RIN2: variants seen among roughly 807,000 people sequenced by gnomAD.
The protein encoded by RIN2 is RAB5 interacting protein 2.
RIN2 carries 36 observed loss-of-function variants against 78.0 expected under a neutral mutation model. That is an observed-to-expected ratio of 0.46 (90% CI 0.35 to 0.61). The LOEUF is 0.61. Among genes scored for constraint, RIN2 ranks in the 20% least tolerant of loss-of-function variants. The pLI, the probability that RIN2 is intolerant of heterozygous loss-of-function variation, is 0.00. For synonymous variants in RIN2, 466 were observed against 466.8 expected, an observed-to-expected ratio of 1.00 and a Z score of 0.02; for missense variants, 1,087 against 1,159.7, an observed-to-expected ratio of 0.94 and a Z score of 0.91.
chr20:19,990,352 C>G, intron 10 of RIN2, 41 bp downstream of exon 10: 1 of 1,565,770 alleles, frequency 6.4e-7, no homozygotes, highest in Middle Eastern at 1.8e-4. Context: ...CGCTTCCCTT[C>G]CGGGCCGGGG....
intron 1 of RIN2, among the ~76,000 whole-genome samples, chr20:19,771,022 A>G (rs1328011780): frequency 4.6e-5 from 7 of 152,174 alleles, no homozygotes; most frequent in African/African-American, 9.7e-5. Flanking sequence ...AAACACAAAT[A>G]TTTATTGGAT....
At chr20:19,900,964 A>G (rs1279499731) in intron 3 of RIN2, among the ~76,000 whole-genome samples, 1 of 150,666 alleles carries the variant, frequency 6.6e-6, no homozygotes, top group Non-Finnish European at 1.5e-5. Flanking sequence ...AAAAAAAAAA[A>G]AAAAAAAAAG....
Position 19,946,713 on chromosome 20 carries a change from CAAAAA to C in RIN2, c.159-9886_159-9882del, listed in dbSNP as rs74180972. ...TGGGTGACAGAGCAAGATTCTATCT[CAAAAA>C]AAAAAAAAAAAAAAAGGGAAAAGCA... On this transcript the variant is annotated intron_variant, in intron 4 of 12. Transcript: ENST00000255006. 2.2e-3 allele frequency among the ~76,000 whole-genome samples: 170 copies of C among 78,020 alleles called. 2 individuals carry two copies. Among genetic ancestry groups the C allele is most frequent in the African/African-American group, 7.3e-3 (161 of 21,970 alleles). 51.2% of individuals were successfully genotyped at this position (78,020 alleles called of 152,430 possible).
intron 2 of RIN2, among the ~76,000 whole-genome samples, chr20:19,840,368 A>G (rs1268890346): frequency 1.3e-5 from 2 of 152,236 alleles, no homozygotes; most frequent in African/African-American, 2.4e-5. Flanking sequence ...TTGGTTGTCT[A>G]TCCTTACAAG....
intron 1 of RIN2, among the ~76,000 whole-genome samples, chr20:19,785,011 T>C (rs2034627074): frequency 6.6e-6 from 1 of 152,164 alleles, no homozygotes; most frequent in African/African-American, 2.4e-5. Flanking sequence ...AAATCAGACA[T>C]GCTTCCCCTC....
At chr20:19,959,305 CAG>C (rs1568663492) in intron 5 of RIN2, among the ~76,000 whole-genome samples, 1 of 152,118 alleles carries the variant, frequency 6.6e-6, no homozygotes. Context: ...CCCCAAGGCT[CAG>C]GGAGATCTCC....
rs564416923 is a variant in RIN2, at chr20:19,854,259, A to C, written c.-36-35307A>C. ...TCTATATCTCTGTTTTGGTACCAGT[A>C]CCATGCTGTTTTGGTTACTGTAGCC... On this transcript the variant is annotated intron_variant, in intron 2 of 12. Coordinates refer to ENST00000255006, the MANE Select transcript of RIN2 (RefSeq NM_018993.4). Among the ~76,000 whole-genome samples, 102 of 152,332 alleles carry C rather than the reference A, an allele frequency of 6.7e-4. 1 individual carries two copies. Among genetic ancestry groups the C allele is most frequent in the African/African-American group, 1.8e-3 (74 of 41,586 alleles).
intron 2 of RIN2, among the ~76,000 whole-genome samples, chr20:19,834,947 A>AAG (rs5840858): frequency 0.6 from 86,501 of 143,616 alleles, 27,637 homozygotes; most frequent in East Asian, 0.81. Flanking sequence ...CTGTGAAGAA[A>AAG]AGAGAGAGAG....
intron 4 of RIN2, among the ~76,000 whole-genome samples, chr20:19,936,863 T>C (rs980923514): frequency 1.3e-5 from 2 of 152,250 alleles, no homozygotes; most frequent in African/African-American, 4.8e-5. Context: ...GGCATTTTAT[T>C]TGGCTTTTTT....
chr20:19,908,469 C>T (rs2039316331), intron 3 of RIN2, among the ~76,000 whole-genome samples: 1 of 144,096 alleles, frequency 6.9e-6, no homozygotes, highest in South Asian at 2.2e-4. Context: ...CCGGCCTGGG[C>T]CACAGAGCGA....
At chr20:19,949,515 T>G (rs1186338835) in intron 4 of RIN2, among the ~76,000 whole-genome samples, 1 of 152,250 alleles carries the variant, frequency 6.6e-6, no homozygotes, top group African/African-American at 2.4e-5. Context: ...ATTTTTGCTA[T>G]TTAACAGCCA....
chr20:19,876,025 G>C (rs915177024), intron 2 of RIN2, among the ~76,000 whole-genome samples: 4 of 152,210 alleles, frequency 2.6e-5, no homozygotes, highest in African/African-American at 9.6e-5. Flanking sequence ...GTCATTAACA[G>C]AAGAGGGAGC....
chr20:19,930,224 G>A (rs562642112), intron 3 of RIN2, among the ~76,000 whole-genome samples: 42 of 152,266 alleles, frequency 2.8e-4, no homozygotes, highest in African/African-American at 7.7e-4. Context: ...GCCTTCCTCT[G>A]CACTAGAGAT....
At chr20:19,864,758 C>A (rs532576806) in intron 2 of RIN2, among the ~76,000 whole-genome samples, 1 of 152,126 alleles carries the variant, frequency 6.6e-6, no homozygotes, top group Non-Finnish European at 1.5e-5. Flanking sequence ...TACATATACT[C>A]GCTGCCTGTG....
chr20:19,967,175 A>G (rs929543830), intron 7 of RIN2, among the ~76,000 whole-genome samples: 4 of 152,224 alleles, frequency 2.6e-5, no homozygotes, highest in African/African-American at 9.6e-5. Flanking sequence ...CCTGCTGTCC[A>G]GGACTGTTTG....
At chr20:19,771,802 A>G (rs753498163) in intron 1 of RIN2, among the ~76,000 whole-genome samples, 12 of 151,706 alleles carry the variant, frequency 7.9e-5, no homozygotes, top group Non-Finnish European at 1.6e-4. Flanking sequence ...CAACCCACTA[A>G]TGGGCTTTGA....
At chr20:19,949,681 A>T (rs148340126) in intron 4 of RIN2, among the ~76,000 whole-genome samples, 2 of 152,262 alleles carry the variant, frequency 1.3e-5, no homozygotes, top group East Asian at 3.9e-4. Flanking sequence ...ATGGTTGGGG[A>T]TGCAGCTCGC....
At chr20:19,890,027 G>T (rs539642730) in intron 3 of RIN2, among the ~76,000 whole-genome samples, 159 of 151,802 alleles carry the variant, frequency 1.0e-3, no homozygotes, top group African/African-American at 3.6e-3. Flanking sequence ...TCCTTGGCTT[G>T]TTTGTATGAA....
chr20:19,965,200 T>G (rs1360378442), intron 7 of RIN2, among the ~76,000 whole-genome samples, 176 bp downstream of exon 7: 1 of 152,156 alleles, frequency 6.6e-6, no homozygotes, highest in Non-Finnish European at 1.5e-5. Flanking sequence ...GTTCACACCA[T>G]GCCAGGCTTA....
Sources: gnomAD v4.1 joint callset for allele counts (sites outside exome capture counted in the v4.1 genomes callset) on GRCh38, gnomAD v4.1.1 for gene constraint, MANE v1.5 for transcripts, NCBI Gene and HGNC (gene_info 2026-07-23, HGNC 2026-07-21) for gene names.